Variants in PPP2R3A observed in about 807,000 individuals in gnomAD.
PPP2R3A encodes serine/threonine-protein phosphatase 2A regulatory subunit B'' subunit alpha.
A neutral mutation model predicts 106.9 loss-of-function variants in PPP2R3A; 80 were observed. That is an observed-to-expected ratio of 0.75 (90% CI 0.62 to 0.90). PPP2R3A has a LOEUF of 0.90. Among genes scored for constraint, PPP2R3A ranks in the 40% least tolerant of loss-of-function variants. The pLI, the probability that PPP2R3A is intolerant of heterozygous loss-of-function variation, is 0.00. For missense variants in PPP2R3A, 1,386 were observed against 1,350.4 expected (o/e 1.03, Z -0.41); for synonymous variants, 483 against 468.3 (o/e 1.03, Z -0.41).
intron 8 of PPP2R3A, among the ~76,000 whole-genome samples, chr3:136,082,986 T>G (rs1936827798): frequency 6.6e-6 from 1 of 152,218 alleles, no homozygotes; most frequent in Non-Finnish European, 1.5e-5. Context: ...TTGCCAGCGG[T>G]AAATCTAGAA....
intron 13 of PPP2R3A, among the ~76,000 whole-genome samples, chr3:136,125,000 G>T (rs1011994855): frequency 2.6e-5 from 4 of 152,162 alleles, no homozygotes; most frequent in African/African-American, 9.7e-5. Flanking sequence ...TACTGAATTT[G>T]TTATTAAAAG....
intron 5 of PPP2R3A, among the ~76,000 whole-genome samples, chr3:136,056,495 C>T (rs1935865862): frequency 6.8e-6 from 1 of 147,040 alleles, no homozygotes; most frequent in Non-Finnish European, 1.5e-5. Flanking sequence ...AAAAAAAAAC[C>T]AGTTATTTTA....
intron 10 of PPP2R3A, among the ~76,000 whole-genome samples, chr3:136,092,569 G>A (rs537340957): frequency 3.3e-5 from 5 of 152,064 alleles, no homozygotes; most frequent in African/African-American, 1.2e-4. Flanking sequence ...AAACAATGCT[G>A]AAAAAGTACA....
chr3:136,063,905 T>A (rs1936168727), intron 5 of PPP2R3A, among the ~76,000 whole-genome samples: 1 of 150,062 alleles, frequency 6.7e-6, no homozygotes. Flanking sequence ...GACCCAGCCA[T>A]CCCATTACTG....
intron 3 of PPP2R3A, among the ~76,000 whole-genome samples, chr3:136,033,140 A>T (rs146385577): frequency 6.6e-6 from 1 of 152,142 alleles, no homozygotes; most frequent in South Asian, 2.1e-4. Context: ...TGATCATGTG[A>T]TTTTGGTTTT....
intron 5 of PPP2R3A, among the ~76,000 whole-genome samples, 175 bp downstream of exon 5, chr3:136,049,536 T>C (rs1000826734): frequency 2.6e-5 from 4 of 152,158 alleles, no homozygotes; most frequent in Non-Finnish European, 4.4e-5. Flanking sequence ...TGAAATCTCG[T>C]TAAATGAAAT....
chr3:136,136,500 A>G (rs546861395), intron 13 of PPP2R3A, among the ~76,000 whole-genome samples: 1 of 152,304 alleles, frequency 6.6e-6, no homozygotes, highest in South Asian at 2.1e-4. Flanking sequence ...ATTAAGAGAT[A>G]ATGTATATAA....
In PPP2R3A at chr3:136,002,233, AT is replaced by A. The variant is rs1478198054; in HGVS notation, c.736del (p.Cys246AlafsTer5). 7 of 1,613,834 alleles carry A rather than the reference AT, an allele frequency of 4.3e-6. No individual in the cohort carries two copies. The highest frequency in any genetic ancestry group is 5.9e-6 in the Non-Finnish European group (7 of 1,179,940). ...LLKCSEDLKK[C>X]TDIIKQCIKK... ...TGAAATGCTCCGAGGATTTAAAAAA[AT>A]GCACAGACATCATAAAACAATGCAT... On this transcript the variant is annotated frameshift_variant, in exon 2 of 14. Transcript: ENST00000264977. LOFTEE classifies it high-confidence loss of function.
At chr3:136,100,494 G>T (rs889849291) in intron 10 of PPP2R3A, among the ~76,000 whole-genome samples, 2 of 151,638 alleles carry the variant, frequency 1.3e-5, no homozygotes, top group East Asian at 3.9e-4. Flanking sequence ...GGTCAATATG[G>T]TGAAACCCCG....
chr3:136,063,311 TA>T (rs1936145597), intron 5 of PPP2R3A, among the ~76,000 whole-genome samples: 1 of 152,130 alleles, frequency 6.6e-6, no homozygotes, highest in Non-Finnish European at 1.5e-5. Context: ...CCTAAAACCA[TA>T]AAAACCTTAG....
chr3:136,136,437 TACTG>T (rs1288170025), intron 13 of PPP2R3A, among the ~76,000 whole-genome samples: 3 of 152,200 alleles, frequency 2.0e-5, no homozygotes, highest in African/African-American at 7.2e-5. Flanking sequence ...GGGCACATTT[TACTG>T]CTTGACACAG....
Position 136,003,415 on chromosome 3 carries a change from C to T in PPP2R3A, c.1917C>T (p.Val639=). 6.2e-7 allele frequency: 1 copy of T among 1,613,940 alleles called. No individual in the cohort carries two copies. Among genetic ancestry groups the T allele is most frequent in the African/African-American group, 1.3e-5 (1 of 75,014 alleles). ...LTTSSQANLS[V]CRSPVGDKAK... is the part of the protein sequence containing the mutation. The stretch of plus-strand genomic sequence containing the variant: ...CTTCCTCCCAGGCCAATTTATCAGT[C>T]TGTAGAAGTCCTGTTGGTGATAAAG... Residue 639 remains valine, a synonymous_variant, in exon 2 of 14, where the codon GTC becomes GTT. Transcript: ENST00000264977.
At chr3:136,051,238 T>C (rs1205373061) in intron 5 of PPP2R3A, among the ~76,000 whole-genome samples, 1 of 152,250 alleles carries the variant, frequency 6.6e-6, no homozygotes, top group Non-Finnish European at 1.5e-5. Flanking sequence ...AAATCCTTGT[T>C]AGCTCTTAGT....
intron 4 of PPP2R3A, among the ~76,000 whole-genome samples, chr3:136,046,511 A>G (rs1313123293): frequency 2.0e-5 from 3 of 152,192 alleles, no homozygotes; most frequent in Non-Finnish European, 4.4e-5. Flanking sequence ...GCCCTCTGAA[A>G]GCATGCAGAA....
intron 2 of PPP2R3A, among the ~76,000 whole-genome samples, chr3:136,008,847 C>G (rs1933942055): frequency 6.6e-6 from 1 of 152,084 alleles, no homozygotes; most frequent in Non-Finnish European, 1.5e-5. Context: ...ACAGGCCTGT[C>G]CAACCCTCAC....
intron 13 of PPP2R3A, among the ~76,000 whole-genome samples, chr3:136,129,588 A>G (rs1324501324): frequency 1.3e-5 from 2 of 152,220 alleles, no homozygotes. Flanking sequence ...TACCAGAGGT[A>G]CAAAGAGGAG....
chr3:136,114,699 C>T (rs1937673322), intron 13 of PPP2R3A, among the ~76,000 whole-genome samples: 1 of 152,162 alleles, frequency 6.6e-6, no homozygotes, highest in African/African-American at 2.4e-5. Flanking sequence ...CCGCAGCTCA[C>T]CAAGGCTGCT....
At chr3:136,012,549 T>C (rs1934120107) in intron 2 of PPP2R3A, among the ~76,000 whole-genome samples, 2 of 151,984 alleles carry the variant, frequency 1.3e-5, no homozygotes, top group African/African-American at 4.8e-5. Flanking sequence ...AAATAAACTA[T>C]AGATAACTAC....
At chr3:135,980,046 T>C (rs945598355) in intron 1 of PPP2R3A, among the ~76,000 whole-genome samples, 5 of 151,850 alleles carry the variant, frequency 3.3e-5, no homozygotes, top group African/African-American at 1.2e-4. Flanking sequence ...CTGTATTATG[T>C]CTACTCTGTT....
Sources: allele counts gnomAD v4.1 joint callset (sites outside exome capture counted in the v4.1 genomes callset), GRCh38; gene constraint gnomAD v4.1.1; transcripts MANE v1.5; gene names NCBI Gene and HGNC (gene_info 2026-07-23, HGNC 2026-07-21).